TRIP11: variants seen among roughly 807,000 people sequenced by gnomAD.
TRIP11 encodes thyroid receptor-interacting protein 11.
In TRIP11, 148 loss-of-function variants were observed where a neutral mutation model predicts 223.1. The observed-to-expected ratio is 0.66, with a 90% CI of 0.58 to 0.76. The LOEUF is 0.76. Among genes scored for constraint, TRIP11 ranks in the 30% least tolerant of loss-of-function variants. The pLI is 0.00. For synonymous variants in TRIP11, 762 were observed against 772.6 expected, an observed-to-expected ratio of 0.99 and a Z score of 0.23; for missense variants, 2,043 against 2,222.0, an observed-to-expected ratio of 0.92 and a Z score of 1.62.
At chr14:91,975,052 C>A in intron 18 of TRIP11, 120 bp downstream of exon 18, 1 of 932,078 alleles carries the variant, frequency 1.1e-6, no homozygotes, top group Non-Finnish European at 1.7e-6. Context: ...GAAGTAATTC[C>A]ATTTCCACAC....
chr14:91,972,505 T>C (rs762727122), intron 20 of TRIP11, among the ~76,000 whole-genome samples: 2 of 152,234 alleles, frequency 1.3e-5, no homozygotes, highest in African/African-American at 4.8e-5. Flanking sequence ...TTTAAATTAA[T>C]CTAAGTCAAT....
chr14:92,039,495 G>A, intron 1 of TRIP11, 52 bp downstream of exon 1: 3 of 1,600,972 alleles, frequency 1.9e-6, no homozygotes, highest in Admixed American at 3.4e-5. Context: ...GGACCAAACG[G>A]ACGTTCCCAG....
At position 91,966,232 on chromosome 14, in the gene TRIP11, T is replaced by C. The variant is rs1595360544; in HGVS notation, c.*3441A>G. On this transcript the variant is annotated 3_prime_UTR_variant, in exon 21 of 21. Transcript: ENST00000267622. ...TTACATAGAGAAACCTTAATAAGTA[T>C]TTAACTTTTTAATAAGTTAAAAAGT... 1.1e-5 allele frequency: 2 copies of C among 177,008 alleles called. No homozygotes were observed. Among genetic ancestry groups the C allele is most frequent in the Non-Finnish European group, 2.4e-5 (2 of 81,976 alleles). 11.0% of individuals were successfully genotyped at this position (177,008 alleles called of 1,614,324 possible).
At chr14:92,000,200 A>C in intron 11 of TRIP11, 92 bp from the exon 12 acceptor site, 1 of 1,565,396 alleles carries the variant, frequency 6.4e-7, no homozygotes, top group Non-Finnish European at 8.7e-7. Context: ...TAATTCATTT[A>C]ATTTTTAAAT....
At position 92,005,046 on chromosome 14, in the gene TRIP11, G is replaced by A. The variant is rs1437244266; in HGVS notation, c.2930C>T (p.Thr977Ile). 3.1e-6 allele frequency: 5 copies of A among 1,613,928 alleles called. No individual in the cohort carries two copies. The South Asian group carries it at 4.4e-5, about 14-fold the overall frequency. ...SLQKTIEQIKTQLHEERQDIQ... is the reference protein window; with the variant it reads ...SLQKTIEQIKIQLHEERQDIQ... ...GTCCTGTCTTTCTTCATGCAACTGG[G>A]TTTTGATTTGTTCAATTGTTTTTTG... Residue 977 changes from threonine (T) to isoleucine (I), a missense_variant, in exon 11 of 21, where the codon ACC becomes ATC. Coordinates refer to ENST00000267622, the MANE Select transcript of TRIP11 (RefSeq NM_004239.4).
At position 91,987,899 on chromosome 14, in the gene TRIP11, T is replaced by C. The variant is rs140592814; in HGVS notation, c.5260+385A>G. ...ACCCAGACATTCATTCTACAGAAAG[T>C]TGCTCTTTTATTTGAGAATTCTGCC... On this transcript the variant is annotated intron_variant, in intron 16 of 20. Coordinates refer to ENST00000267622, the MANE Select transcript of TRIP11 (RefSeq NM_004239.4). Among the ~76,000 whole-genome samples the C allele has an allele frequency of 5.5e-4, 84 of 152,320 alleles. 1 individual carries two copies. In the East Asian group the frequency reaches 0.015, roughly 27 times the overall value.
intron 13 of TRIP11, among the ~76,000 whole-genome samples, chr14:91,997,558 T>C (rs1048773429): frequency 8.5e-5 from 13 of 152,186 alleles, no homozygotes; most frequent in African/African-American, 3.1e-4. Flanking sequence ...AAGCACCCTT[T>C]AGGAAGAAAA....
At chr14:91,992,292 T>C (rs1453880852) in intron 15 of TRIP11, among the ~76,000 whole-genome samples, 2 of 151,704 alleles carry the variant, frequency 1.3e-5, no homozygotes, top group African/African-American at 4.8e-5. Flanking sequence ...ACATAACATT[T>C]TGGAATAGTG....
chr14:92,010,630 A>G (rs2056959947), intron 9 of TRIP11, among the ~76,000 whole-genome samples: 1 of 152,104 alleles, frequency 6.6e-6, no homozygotes, highest in Non-Finnish European at 1.5e-5. Context: ...CACATTCTGA[A>G]GCACACAAGC....
At chr14:92,039,395 TGAG>T in intron 1 of TRIP11, 149 bp downstream of exon 1, 1 of 772,570 alleles carries the variant, frequency 1.3e-6, no homozygotes, top group Non-Finnish European at 2.1e-6. Context: ...GAAAATCTGT[TGAG>T]AAGAGGCAAG....
intron 16 of TRIP11, among the ~76,000 whole-genome samples, chr14:91,983,595 A>C (rs1359552214): frequency 1.3e-5 from 2 of 152,222 alleles, no homozygotes; most frequent in African/African-American, 4.8e-5. Flanking sequence ...ATTGACATAC[A>C]CTTTTTTCTT....
In TRIP11 at chr14:92,015,764, C is replaced by T. The variant is rs766379562; in HGVS notation, c.755G>A (p.Arg252Gln). ...GTCACTTAATTCTTCTCGATGTCGT[C>T]GACTTATTTCTGTCAATTTCTGTTG... ...AHQQKLTEIS[R>Q]RHREELSDYE... Residue 252 changes from arginine (R) to glutamine (Q), a missense_variant, in exon 6 of 21, where the codon CGA becomes CAA. Coordinates refer to ENST00000267622, the MANE Select transcript of TRIP11 (RefSeq NM_004239.4). 6.2e-6 allele frequency: 10 copies of T among 1,613,248 alleles called. No homozygotes were observed. In the East Asian group the frequency reaches 8.9e-5, roughly 14 times the overall value.
At chr14:92,016,249 GCCTTT>G (rs1185682748) in intron 5 of TRIP11, among the ~76,000 whole-genome samples, 1 of 152,002 alleles carries the variant, frequency 6.6e-6, no homozygotes, top group Non-Finnish European at 1.5e-5. Flanking sequence ...CTCTCACTCA[GCCTTT>G]CCTTTCACCA....
At chr14:91,998,041 G>T (rs2056773065) in intron 13 of TRIP11, among the ~76,000 whole-genome samples, 2 of 152,118 alleles carry the variant, frequency 1.3e-5, no homozygotes, top group Admixed American at 1.3e-4. Context: ...GAGTCTGAAG[G>T]TATAATAATA....
intron 9 of TRIP11, among the ~76,000 whole-genome samples, chr14:92,010,315 G>A (rs374996995): frequency 5.9e-5 from 9 of 152,126 alleles, no homozygotes; most frequent in African/African-American, 2.2e-4. Flanking sequence ...CAGATCACCT[G>A]AGGTCGGGAG....
At chr14:92,007,543 T>C in intron 10 of TRIP11, 97 bp downstream of exon 10, 3 of 1,362,442 alleles carry the variant, frequency 2.2e-6, no homozygotes, top group Non-Finnish European at 2.1e-6. Flanking sequence ...TTTGTCAATC[T>C]CTATGAACTA....
chr14:92,022,650 T>A (rs2057129208), intron 3 of TRIP11, among the ~76,000 whole-genome samples: 1 of 152,054 alleles, frequency 6.6e-6, no homozygotes, highest in Non-Finnish European at 1.5e-5. Context: ...TCAAACAATA[T>A]AGACAGAACT....
chr14:92,013,273 A>C (rs1336173834), intron 7 of TRIP11, among the ~76,000 whole-genome samples: 1 of 152,220 alleles, frequency 6.6e-6, no homozygotes, highest in African/African-American at 2.4e-5. Context: ...TCTCAAAAAA[A>C]CAAACAAAAA....
At chr14:91,969,933 A>G in intron 20 of TRIP11, 40 bp from the exon 21 acceptor site, 4 of 1,569,692 alleles carry the variant, frequency 2.5e-6, no homozygotes, top group Non-Finnish European at 3.5e-6. Context: ...TATCTTTCAC[A>G]AAGAAGTCAA....
Sources: allele counts gnomAD v4.1 joint callset (sites outside exome capture counted in the v4.1 genomes callset), GRCh38; gene constraint gnomAD v4.1.1; transcripts MANE v1.5; gene names NCBI Gene and HGNC (gene_info 2026-07-23, HGNC 2026-07-21).